The following POU3F3 variants were observed in gnomAD, a reference collection of about 807,000 sequenced individuals.
POU3F3 encodes POU domain, class 3, transcription factor 3.
POU3F3 carries 1 observed loss-of-function variant against 8.6 expected under a neutral mutation model. That is an observed-to-expected ratio of 0.12 (90% CI 0.04 to 0.55). The LOEUF is 0.55. Ranked by LOEUF, POU3F3 falls within the 20% of genes least tolerant of loss-of-function variation. POU3F3 has a pLI of 0.91. For synonymous variants in POU3F3, 418 were observed against 327.4 expected (o/e 1.28, Z -2.99); for missense variants, 577 against 690.7 (o/e 0.84, Z 1.84).
downstream of POU3F3, among the ~76,000 whole-genome samples, chr2:104,860,499 G>C (rs561997726): frequency 6.6e-6 from 1 of 151,960 alleles, no homozygotes; most frequent in Non-Finnish European, 1.5e-5. Flanking sequence ...CTTGTGCTTC[G>C]TAAAGTGCCC....
the POU3F3 span, among the ~76,000 whole-genome samples, chr2:104,887,127 C>G: frequency 6.6e-6 from 1 of 152,042 alleles, no homozygotes; most frequent in African/African-American, 2.4e-5. Context: ...TAAACAGTCA[C>G]GGCACTGGTG....
At chr2:104,862,197 C>T (rs1343552850), downstream of POU3F3, among the ~76,000 whole-genome samples, 2 of 152,328 alleles carry the variant, frequency 1.3e-5, no homozygotes, top group East Asian at 1.9e-4. Flanking sequence ...CCAGAGGCGG[C>T]CGCCTGGCCT....
chr2:104,863,440 G>C (rs546090921), downstream of POU3F3, among the ~76,000 whole-genome samples: 1 of 152,090 alleles, frequency 6.6e-6, no homozygotes. Context: ...AGAAATGCCT[G>C]TGGGTCTCTG....
At chr2:104,922,228 A>G in the POU3F3 span, among the ~76,000 whole-genome samples, 99 of 152,256 alleles carry the variant, frequency 6.5e-4, no homozygotes, top group African/African-American at 2.1e-3. Flanking sequence ...ATTAGATTCC[A>G]ATGTCTTGTT....
At chr2:104,866,409 C>T in the POU3F3 span, 1 of 152,094 alleles carries the variant, frequency 6.6e-6, no homozygotes, top group Non-Finnish European at 1.5e-5. Context: ...AGAGAAAGAC[C>T]AAAAGAGAGA....
At chr2:104,887,611 T>C in the POU3F3 span, among the ~76,000 whole-genome samples, 2 of 152,166 alleles carry the variant, frequency 1.3e-5, no homozygotes, top group Non-Finnish European at 2.9e-5. Flanking sequence ...ATGGATGGAA[T>C]GGTTCTACCT....
chr2:104,857,835 A>C lies in POU3F3; in HGVS notation c.*822A>C, dbSNP rs1676605195. The C allele has an allele frequency of 6.6e-6, 1 of 152,238 alleles. No individual in the cohort carries two copies. Among genetic ancestry groups the C allele is most frequent in the Non-Finnish European group, 1.5e-5 (1 of 68,036 alleles). The allele number at this position is 152,238 out of a possible 1,614,324, so 9.4% of individuals were successfully genotyped here. Reference sequence around the variant, plus strand: ...CAAAGCCAAAAGAAAAGTATCCTCAAAGTAACCTTGGAAATAAAAGGATCG... The same window carrying C: ...CAAAGCCAAAAGAAAAGTATCCTCACAGTAACCTTGGAAATAAAAGGATCG... On this transcript the variant is annotated 3_prime_UTR_variant, in exon 1 of 1. Coordinates refer to ENST00000361360, the MANE Select transcript of POU3F3 (RefSeq NM_006236.3).
chr2:104,854,389 ACACCTC>A lies in POU3F3; in HGVS notation c.-1111_-1106del, dbSNP rs988444774. 3.9e-5 allele frequency among the ~76,000 whole-genome samples: 6 copies of A among 152,058 alleles called. No individual in the cohort carries two copies. The highest frequency in any genetic ancestry group is 7.3e-5 in the African/African-American group (3 of 41,378). The stretch of plus-strand genomic sequence containing the variant: ...GGATCGATCCCCTATATGCACACAC[ACACCTC>A]CACCTCCACCAATGCACTCTTCTTC... On this transcript the variant is annotated 5_prime_UTR_variant, in exon 1 of 1. Coordinates refer to ENST00000361360, the MANE Select transcript of POU3F3 (RefSeq NM_006236.3). The surrounding 1 kb of genome is among the most constrained non-coding windows in gnomAD (Gnocchi z 4.5).
At chr2:104,911,135 C>T in the POU3F3 span, among the ~76,000 whole-genome samples, 2 of 151,808 alleles carry the variant, frequency 1.3e-5, no homozygotes, top group Admixed American at 6.6e-5. Context: ...CTACATGGGC[C>T]GGGCATGATG....
chr2:104,855,395 G>A lies in POU3F3; in HGVS notation c.-116G>A, dbSNP rs1301605449. On this transcript the variant is annotated 5_prime_UTR_variant, in exon 1 of 1. Coordinates refer to ENST00000361360, the MANE Select transcript of POU3F3 (RefSeq NM_006236.3). ...CCCGGGGCGGGGGCGGGGAAGGAGG[G>A]GGGGAGGAGGCGGGAGGCGGGGGGC... The A allele has an allele frequency of 1.3e-5, 5 of 386,090 alleles. No individual in the cohort carries two copies. Among genetic ancestry groups the A allele is most frequent in the East Asian group, 1.8e-4 (1 of 5,512 alleles). 23.9% of individuals were successfully genotyped at this position (386,090 alleles called of 1,614,324 possible). A position where few individuals can be genotyped will look rare whatever the true frequency, so the allele number is the denominator to read the frequency against.
At chr2:104,885,706 C>T in the POU3F3 span, among the ~76,000 whole-genome samples, 1 of 152,166 alleles carries the variant, frequency 6.6e-6, no homozygotes, top group Non-Finnish European at 1.5e-5. Flanking sequence ...AATGATCCAC[C>T]CCTTGTTTAG....
chr2:104,917,012 G>C, the POU3F3 span, among the ~76,000 whole-genome samples: 2 of 152,200 alleles, frequency 1.3e-5, no homozygotes, highest in Non-Finnish European at 2.9e-5. Context: ...GCAGCAGAAA[G>C]ATGATTTCAC....
the POU3F3 span, among the ~76,000 whole-genome samples, chr2:104,870,107 G>A: frequency 6.6e-6 from 1 of 152,194 alleles, no homozygotes; most frequent in Non-Finnish European, 1.5e-5. Flanking sequence ...GGCCAAAGAG[G>A]CTTGTCCCTA....
chr2:104,895,627 G>A, the POU3F3 span, among the ~76,000 whole-genome samples: 1 of 152,154 alleles, frequency 6.6e-6, no homozygotes, highest in Admixed American at 6.5e-5. Flanking sequence ...AAACAGAAGA[G>A]CCACAAGAGA....
the POU3F3 span, among the ~76,000 whole-genome samples, chr2:104,922,084 A>G: frequency 6.6e-6 from 1 of 152,202 alleles, no homozygotes; most frequent in Non-Finnish European, 1.5e-5. Context: ...AAATACCTGA[A>G]AAGACTTTAA....
chr2:104,890,152 G>A, the POU3F3 span, among the ~76,000 whole-genome samples: 2 of 152,270 alleles, frequency 1.3e-5, no homozygotes, highest in East Asian at 1.9e-4. Flanking sequence ...ACCAGCGTGC[G>A]CACTGGGAGG....
chr2:104,877,315 T>C, the POU3F3 span, among the ~76,000 whole-genome samples: 1 of 152,162 alleles, frequency 6.6e-6, no homozygotes. Context: ...ACTGAGCGAT[T>C]AGCTCTCCCT....
the POU3F3 span, among the ~76,000 whole-genome samples, chr2:104,884,535 G>A: frequency 6.6e-6 from 1 of 152,176 alleles, no homozygotes; most frequent in Non-Finnish European, 1.5e-5. Context: ...GGTTTTCTGA[G>A]GAAGCCAGAA....
the POU3F3 span, among the ~76,000 whole-genome samples, chr2:104,925,536 C>G: frequency 7.2e-5 from 11 of 152,152 alleles, no homozygotes; most frequent in Admixed American, 3.9e-4. Flanking sequence ...CAGAATCTCT[C>G]TGGATTATGC....
Sources: gnomAD v4.1 joint callset for allele counts (sites outside exome capture counted in the v4.1 genomes callset) on GRCh38, gnomAD v4.1.1 for gene constraint, Gnocchi (gnomAD v3.1) non-coding constraint, MANE v1.5 for transcripts, NCBI Gene and HGNC (gene_info 2026-07-23, HGNC 2026-07-21) for gene names.